The following SGCZ variants were observed in gnomAD, a reference collection of about 807,000 sequenced individuals.
SGCZ encodes sarcoglycan zeta, also known as zeta-sarcoglycan.
SGCZ carries 40 observed loss-of-function variants against 41.3 expected under a neutral mutation model. The ratio of observed to expected loss-of-function variants is 0.97; its 90% confidence interval spans 0.75 to 1.26. SGCZ has a LOEUF of 1.26. Ranked by LOEUF, SGCZ falls within the 50% of genes most tolerant of loss-of-function variation. The pLI, the probability that SGCZ is intolerant of heterozygous loss-of-function variation, is 0.00. For synonymous variants in SGCZ, 206 were observed against 137.5 expected (o/e 1.50, Z -3.49); for missense variants, 552 against 369.8 (o/e 1.49, Z -4.04).
At chr8:14,992,250 A>G (rs1282106694) in intron 1 of SGCZ, among the ~76,000 whole-genome samples, 1 of 151,026 alleles carries the variant, frequency 6.6e-6, no homozygotes, top group African/African-American at 2.4e-5. Flanking sequence ...AACCAATGTT[A>G]CCCTTGCTAT....
chr8:14,966,294 AGAT>A (rs1801125336), intron 1 of SGCZ, among the ~76,000 whole-genome samples: 1 of 151,850 alleles, frequency 6.6e-6, no homozygotes, highest in Non-Finnish European at 1.5e-5. Flanking sequence ...TATCAAGAGG[AGAT>A]GATAGGCTAT....
intron 3 of SGCZ, among the ~76,000 whole-genome samples, chr8:14,315,883 T>C (rs1260034430): frequency 6.6e-6 from 1 of 151,564 alleles, no homozygotes; most frequent in Non-Finnish European, 1.5e-5. Context: ...CTGTTCAGAA[T>C]ATTTAAATAA....
intron 1 of SGCZ, among the ~76,000 whole-genome samples, chr8:14,731,510 T>A (rs1158968336): frequency 6.6e-6 from 1 of 152,158 alleles, no homozygotes; most frequent in African/African-American, 2.4e-5. Flanking sequence ...GTACTGCACA[T>A]GTATCCTACA....
chr8:14,975,807 A>G (rs548909299), intron 1 of SGCZ, among the ~76,000 whole-genome samples: 18 of 112,458 alleles, frequency 1.6e-4, no homozygotes, highest in African/African-American at 4.9e-4. Context: ...ATATATATAT[A>G]TATGTGTGTG....
At chr8:14,121,080 A>C (rs1321921300) in intron 5 of SGCZ, among the ~76,000 whole-genome samples, 1 of 152,144 alleles carries the variant, frequency 6.6e-6, no homozygotes, top group Non-Finnish European at 1.5e-5. Context: ...AAATAGAGAA[A>C]TAGCCTAACG....
intron 2 of SGCZ, among the ~76,000 whole-genome samples, chr8:14,543,705 T>C (rs1803537226): frequency 6.6e-6 from 1 of 152,172 alleles, no homozygotes; most frequent in Non-Finnish European, 1.5e-5. Flanking sequence ...GGTTATTTAG[T>C]ACGGGCAAGG....
At chr8:14,764,179 T>A (rs2130366830) in intron 1 of SGCZ, among the ~76,000 whole-genome samples, 1 of 152,318 alleles carries the variant, frequency 6.6e-6, no homozygotes, top group East Asian at 1.9e-4. Context: ...CTGAGATTTT[T>A]GTAAAAAAGC....
At chr8:14,396,045 C>T (rs1370761485) in intron 2 of SGCZ, among the ~76,000 whole-genome samples, 3 of 152,074 alleles carry the variant, frequency 2.0e-5, no homozygotes, top group Non-Finnish European at 4.4e-5. Context: ...CAAAAGAAAT[C>T]ATTTTTAAAT....
intron 1 of SGCZ, among the ~76,000 whole-genome samples, chr8:14,861,870 G>A (rs1414447389): frequency 6.6e-6 from 1 of 152,014 alleles, no homozygotes; most frequent in Non-Finnish European, 1.5e-5. Flanking sequence ...TAATTAAAGA[G>A]TTCCTTTCTT....
At chr8:14,591,462 TA>T (rs1368657135) in intron 1 of SGCZ, among the ~76,000 whole-genome samples, 4 of 151,984 alleles carry the variant, frequency 2.6e-5, no homozygotes, top group African/African-American at 9.7e-5. Context: ...ATTGAAAAGG[TA>T]CAAAAAATAT....
At chr8:15,056,420 C>T (rs906340217) in intron 1 of SGCZ, among the ~76,000 whole-genome samples, 6 of 152,100 alleles carry the variant, frequency 3.9e-5, no homozygotes, top group Non-Finnish European at 7.4e-5. Flanking sequence ...GGAACTCTTA[C>T]TCCGGGATTC....
intron 1 of SGCZ, among the ~76,000 whole-genome samples, chr8:14,840,768 T>G (rs1204921144): frequency 2.6e-5 from 4 of 152,138 alleles, no homozygotes; most frequent in Non-Finnish European, 5.9e-5. Flanking sequence ...AAGAAGGCAT[T>G]TGATTAGACA....
chr8:14,429,343 T>G (rs745604351), intron 2 of SGCZ, among the ~76,000 whole-genome samples: 1 of 152,138 alleles, frequency 6.6e-6, no homozygotes, highest in African/African-American at 2.4e-5. Context: ...AGTCCAGGCA[T>G]AAAGCCTGGG....
intron 1 of SGCZ, among the ~76,000 whole-genome samples, chr8:15,086,819 G>A (rs1585548984): frequency 1.3e-5 from 2 of 152,100 alleles, no homozygotes; most frequent in South Asian, 2.1e-4. Flanking sequence ...TCTTTCTGGA[G>A]TAATCTTGAT....
intron 1 of SGCZ, among the ~76,000 whole-genome samples, 166 bp from the exon 2 acceptor site, chr8:14,555,092 G>T (rs186703470): frequency 1.3e-5 from 2 of 151,742 alleles, no homozygotes; most frequent in Admixed American, 1.3e-4. Flanking sequence ...AGAAAACTTC[G>T]AATCATTTTG....
intron 3 of SGCZ, among the ~76,000 whole-genome samples, chr8:14,282,608 T>G (rs1000511785): frequency 1.3e-5 from 2 of 152,174 alleles, no homozygotes; most frequent in Non-Finnish European, 2.9e-5. Flanking sequence ...TATGGTCACA[T>G]GCTAACATGA....
chr8:14,940,777 A>T (rs1800248625), intron 1 of SGCZ, among the ~76,000 whole-genome samples: 1 of 152,018 alleles, frequency 6.6e-6, no homozygotes, highest in South Asian at 2.1e-4. Context: ...GTTTGTGTAC[A>T]CATGGTCAAA....
At chr8:15,054,322 C>T (rs146457237) in intron 1 of SGCZ, among the ~76,000 whole-genome samples, 1 of 152,292 alleles carries the variant, frequency 6.6e-6, no homozygotes, top group East Asian at 1.9e-4. Flanking sequence ...TACAGCTTCA[C>T]CCATGTGGTC....
intron 3 of SGCZ, among the ~76,000 whole-genome samples, chr8:14,284,166 A>G (rs1800541259): frequency 6.6e-6 from 1 of 152,244 alleles, no homozygotes; most frequent in Non-Finnish European, 1.5e-5. Context: ...CAAGGCAGGC[A>G]GATTGCTTGG....
Sources: allele counts gnomAD v4.1 joint callset (sites outside exome capture counted in the v4.1 genomes callset), GRCh38; gene constraint gnomAD v4.1.1; transcripts MANE v1.5; gene names NCBI Gene and HGNC (gene_info 2026-07-23, HGNC 2026-07-21).